Variants in DLG2 observed in about 807,000 individuals in gnomAD.
DLG2 encodes the protein disks large homolog 2.
DLG2 carries 45 observed loss-of-function variants against 132.5 expected under a neutral mutation model. The ratio of observed to expected loss-of-function variants is 0.34; its 90% CI spans 0.27 to 0.44. The LOEUF (loss-of-function observed/expected upper bound fraction) is 0.44, where lower values mean the gene tolerates loss of function less well. Ranked by LOEUF, DLG2 falls within the 20% of genes least tolerant of loss-of-function variation. The pLI, the probability that DLG2 is intolerant of heterozygous loss-of-function variation, is 1.00. For synonymous variants in DLG2, 424 were observed against 419.6 expected (o/e 1.01, Z -0.13); for missense variants, 1,045 against 1,196.9 (o/e 0.87, Z 1.87).
At chr11:85,351,084 T>C (rs1029538523) in intron 3 of DLG2, among the ~76,000 whole-genome samples, 1 of 152,216 alleles carries the variant, frequency 6.6e-6, no homozygotes, top group Admixed American at 6.5e-5. Context: ...TTTTATTTCG[T>C]TGAGCAGTGG....
chr11:85,493,448 C>T (rs1048404621), intron 3 of DLG2, among the ~76,000 whole-genome samples: 1 of 152,112 alleles, frequency 6.6e-6, no homozygotes, highest in African/African-American at 2.4e-5. Context: ...TCCAAAATAA[C>T]GCTGCCTTAG....
intron 6 of DLG2, among the ~76,000 whole-genome samples, chr11:84,656,527 C>T (rs533332533): frequency 1.3e-5 from 2 of 152,228 alleles, no homozygotes; most frequent in South Asian, 4.1e-4. Flanking sequence ...AAGAAAAATA[C>T]TCTGGGCTAG....
chr11:84,156,970 T>A (rs71469632), intron 9 of DLG2, among the ~76,000 whole-genome samples: 14,594 of 152,236 alleles, frequency 0.096, 1,198 homozygotes, highest in African/African-American at 0.22. Flanking sequence ...TCCTAATTTC[T>A]AATAGAATTA....
chr11:85,540,225 C>T (rs1424880966), intron 3 of DLG2, among the ~76,000 whole-genome samples: 1 of 152,162 alleles, frequency 6.6e-6, no homozygotes, highest in East Asian at 1.9e-4. Flanking sequence ...TGTTTCCGTA[C>T]CCAAATGTTG....
intron 3 of DLG2, among the ~76,000 whole-genome samples, chr11:85,300,584 T>C (rs774184485): frequency 6.6e-6 from 1 of 152,156 alleles, no homozygotes; most frequent in Non-Finnish European, 1.5e-5. Context: ...GAAAGAAAAT[T>C]AGAATTCTGC....
intron 9 of DLG2, among the ~76,000 whole-genome samples, chr11:84,111,043 T>C (rs2093321868): frequency 6.6e-6 from 1 of 152,076 alleles, no homozygotes; most frequent in African/African-American, 2.4e-5. Flanking sequence ...ATTCTCTAAG[T>C]GATTCACAAT....
At chr11:84,992,944 T>C (rs1168386598) in intron 6 of DLG2, among the ~76,000 whole-genome samples, 1 of 152,174 alleles carries the variant, frequency 6.6e-6, no homozygotes, top group African/African-American at 2.4e-5. Flanking sequence ...TAAAGGATTA[T>C]AAATCATTCC....
chr11:85,020,588 T>C (rs1345820500), intron 6 of DLG2, among the ~76,000 whole-genome samples: 2 of 152,152 alleles, frequency 1.3e-5, no homozygotes, highest in African/African-American at 4.8e-5. Flanking sequence ...ATTTTTATGG[T>C]TTTAGGTCTA....
chr11:85,068,682 C>T (rs946898910), intron 6 of DLG2, among the ~76,000 whole-genome samples: 1 of 152,116 alleles, frequency 6.6e-6, no homozygotes, highest in Non-Finnish European at 1.5e-5. Context: ...ACATTCCATG[C>T]TCATGGGTAG....
intron 3 of DLG2, among the ~76,000 whole-genome samples, chr11:85,314,032 C>T (rs141724788): frequency 2.0e-5 from 3 of 151,838 alleles, no homozygotes; most frequent in African/African-American, 7.2e-5. Context: ...AAGCAATGGC[C>T]CCAAAATGAA....
chr11:84,667,173 T>G (rs912979031), intron 6 of DLG2, among the ~76,000 whole-genome samples: 1 of 152,168 alleles, frequency 6.6e-6, no homozygotes, highest in Non-Finnish European at 1.5e-5. Context: ...AATATACAAA[T>G]GTATTTCTAA....
chr11:83,823,886 T>C (rs2051645184), intron 17 of DLG2, among the ~76,000 whole-genome samples: 1 of 152,164 alleles, frequency 6.6e-6, no homozygotes, highest in Non-Finnish European at 1.5e-5. Flanking sequence ...CATTTATGCT[T>C]TTTTCATTAA....
intron 6 of DLG2, among the ~76,000 whole-genome samples, chr11:84,902,309 C>T (rs1298036788): frequency 6.6e-6 from 1 of 152,102 alleles, no homozygotes; most frequent in Non-Finnish European, 1.5e-5. Flanking sequence ...GCTTCTTTTA[C>T]CTTAGCATTT....
intron 18 of DLG2, among the ~76,000 whole-genome samples, chr11:83,710,297 G>T (rs1173703424): frequency 1.3e-5 from 2 of 151,968 alleles, no homozygotes; most frequent in Non-Finnish European, 2.9e-5. Flanking sequence ...CAAGTAGCTT[G>T]GACTACAGGT....
At chr11:84,390,690 G>A (rs1567504565) in intron 7 of DLG2, among the ~76,000 whole-genome samples, 1 of 152,134 alleles carries the variant, frequency 6.6e-6, no homozygotes, top group Admixed American at 6.5e-5. Flanking sequence ...GTGAGAAAGA[G>A]AAGTTAAAGC....
chr11:85,499,561 T>C (rs1249129001), intron 3 of DLG2, among the ~76,000 whole-genome samples: 4 of 152,124 alleles, frequency 2.6e-5, no homozygotes, highest in African/African-American at 4.8e-5. Flanking sequence ...TGCCAATCAA[T>C]TGAAAAAGAG....
chr11:84,734,571 T>C (rs549525872), intron 6 of DLG2, among the ~76,000 whole-genome samples: 16 of 152,344 alleles, frequency 1.1e-4, no homozygotes, highest in African/African-American at 3.6e-4. Context: ...TATCCAATCA[T>C]GTCATCTGCA....
intron 6 of DLG2, among the ~76,000 whole-genome samples, chr11:84,970,757 ACTC>A (rs910364535): frequency 6.6e-6 from 1 of 152,126 alleles, no homozygotes; most frequent in African/African-American, 2.4e-5. Context: ...CCACCAAAAT[ACTC>A]CTCTTTATTT....
At chr11:85,076,249 T>C (rs1182672015) in intron 6 of DLG2, among the ~76,000 whole-genome samples, 1 of 151,908 alleles carries the variant, frequency 6.6e-6, no homozygotes, top group Non-Finnish European at 1.5e-5. Flanking sequence ...TTTTCCTCAC[T>C]CTGGTAAGAA....
Sources: allele counts gnomAD v4.1 joint callset (sites outside exome capture counted in the v4.1 genomes callset), GRCh38; gene constraint gnomAD v4.1.1; transcripts MANE v1.5; gene names NCBI Gene and HGNC (gene_info 2026-07-23, HGNC 2026-07-21).